RELN: variants seen among roughly 807,000 people sequenced by gnomAD.
The protein encoded by RELN is reelin.
A neutral mutation model predicts 427.6 loss-of-function variants in RELN; 108 were observed. The ratio of observed to expected loss-of-function variants is 0.25; its 90% CI spans 0.22 to 0.30. The LOEUF (loss-of-function observed/expected upper bound fraction) is 0.30, where lower values mean the gene tolerates loss of function less well. Ranked by LOEUF, RELN falls within the 10% of genes least tolerant of loss-of-function variation. The probability of loss-of-function intolerance (pLI) is 1.00; values close to 1 mark genes in which losing one functional copy is unlikely to be tolerated. For missense variants in RELN, 3,715 were observed against 4,302.8 expected (o/e 0.86, Z 3.82); for synonymous variants, 1,524 against 1,513.4 (o/e 1.01, Z -0.16).
At chr7:103,808,684 T>C (rs1792661445) in intron 3 of RELN, among the ~76,000 whole-genome samples, 1 of 151,990 alleles carries the variant, frequency 6.6e-6, no homozygotes, top group African/African-American at 2.4e-5. Context: ...TTTGAAATAC[T>C]ATGGCAGAAC....
At chr7:103,917,517 G>A (rs1795512211) in intron 1 of RELN, among the ~76,000 whole-genome samples, 1 of 150,250 alleles carries the variant, frequency 6.7e-6, no homozygotes, top group Non-Finnish European at 1.5e-5. Flanking sequence ...GGCAGTCAAA[G>A]GCATTGCTGG....
intron 3 of RELN, among the ~76,000 whole-genome samples, chr7:103,831,501 A>C (rs76446589): frequency 6.6e-6 from 1 of 152,194 alleles, no homozygotes; most frequent in African/African-American, 2.4e-5. Context: ...CAATAGAGTT[A>C]TAAGAAAAAT....
Position 103,931,346 on chromosome 7 carries a change from C to G in RELN, c.227-14161G>C, listed in dbSNP as rs111685760. 8.0e-3 allele frequency among the ~76,000 whole-genome samples: 1,224 copies of G among 152,278 alleles called. 17 individuals carry two copies. Among genetic ancestry groups the G allele is most frequent in the African/African-American group, 0.027 (1,133 of 41,556 alleles). ...TTCCTGTTGAAATCCTCCCAACTTA[C>G]CAATGCTTTGTCTAAATGTCAGCTC... On this transcript the variant is annotated intron_variant, in intron 1 of 64. Transcript: ENST00000428762.
At chr7:103,728,332 G>A in intron 6 of RELN, 125 bp from the exon 7 acceptor site, 1 of 893,454 alleles carries the variant, frequency 1.1e-6, no homozygotes. Flanking sequence ...AGGAAAGTAG[G>A]AGTATTTTGC....
Position 103,804,161 on chromosome 7 carries a change from C to A in RELN, c.474-27534G>T, listed in dbSNP as rs189687033. ...TAAATTATTCATATCTTTAATCTTT[C>A]TATCTTGCATTTGTTTATGGAAAAT... On this transcript the variant is annotated intron_variant, in intron 3 of 64. Coordinates refer to ENST00000428762, the MANE Select transcript of RELN (RefSeq NM_005045.4). Among the ~76,000 whole-genome samples the A allele has an allele frequency of 1.6e-3, 241 of 152,144 alleles. 3 individuals are homozygous for A. Among genetic ancestry groups the A allele is most frequent in the Non-Finnish European group, 1.3e-3 (88 of 67,958 alleles).
At chr7:103,610,573 T>A in intron 22 of RELN, 122 bp downstream of exon 22, 1 of 703,886 alleles carries the variant, frequency 1.4e-6, no homozygotes, top group Non-Finnish European at 2.6e-6. Context: ...AGAATAAACA[T>A]CATGCTATTG....
intron 2 of RELN, among the ~76,000 whole-genome samples, chr7:103,848,146 G>C (rs191556716): frequency 6.6e-6 from 1 of 152,112 alleles, no homozygotes; most frequent in Admixed American, 6.5e-5. Context: ...TTAGACAAGG[G>C]TTACCACGCC....
intron 1 of RELN, among the ~76,000 whole-genome samples, chr7:103,976,661 A>G (rs1464954051): frequency 1.3e-5 from 2 of 152,228 alleles, no homozygotes; most frequent in African/African-American, 4.8e-5. Flanking sequence ...TAGCCATCCA[A>G]GTGGAGATAC....
At chr7:103,847,096 T>TATAA (rs1793697273) in intron 2 of RELN, among the ~76,000 whole-genome samples, 1 of 152,116 alleles carries the variant, frequency 6.6e-6, no homozygotes, top group African/African-American at 2.4e-5. Flanking sequence ...TATAAATCAT[T>TATAA]CCACTATAAA....
At position 103,603,165 on chromosome 7, in the gene RELN, AT is replaced by A; in HGVS notation, c.3333+138del. The A allele has an allele frequency of 1.3e-6, 1 of 755,500 alleles. No homozygotes were observed. The allele number at this position is 755,500 out of a possible 1,614,324, so 46.8% of individuals were successfully genotyped here. A position where few individuals can be genotyped will look rare whatever the true frequency, so the allele number is the denominator to read the frequency against. ...GAATTTCCCAAGACATAGCTAAGGA[AT>A]AGGAATTTGATAGAGCCCACTCAAA... On this transcript the variant is annotated intron_variant, in intron 24 of 64. Transcript: ENST00000428762. This position sits in a 1 kb window ranked among gnomAD's most constrained non-coding sequence, Gnocchi z 4.3.
chr7:103,576,943 C>T (rs560768687), intron 28 of RELN, among the ~76,000 whole-genome samples: 1 of 152,202 alleles, frequency 6.6e-6, no homozygotes, highest in South Asian at 2.1e-4. Context: ...TATGGAAACA[C>T]GTGCACACAC....
intron 28 of RELN, 133 bp downstream of exon 28, chr7:103,589,463 T>C: frequency 1.4e-6 from 1 of 699,282 alleles, no homozygotes; most frequent in South Asian, 1.6e-5. Context: ...TATAAATAAA[T>C]GTTTTAAAAA....
At chr7:103,575,513 C>T (rs766557278) in intron 29 of RELN, 35 bp downstream of exon 29, 4 of 1,603,996 alleles carry the variant, frequency 2.5e-6, no homozygotes, top group Admixed American at 1.7e-5. Flanking sequence ...GACTATTTTA[C>T]AATAAAACCC....
At chr7:103,759,990 C>CTTTTTTTATTT in intron 4 of RELN, among the ~76,000 whole-genome samples, 1 of 64,912 alleles carries the variant, frequency 1.5e-5, no homozygotes, top group Non-Finnish European at 2.9e-5. Context: ...CACAGTCATA[C>CTTTTTTTATTT]TTTTTTTTTT....
chr7:103,628,560 T>C (rs1360067484), intron 20 of RELN, among the ~76,000 whole-genome samples: 5 of 152,226 alleles, frequency 3.3e-5, no homozygotes, highest in Admixed American at 2.6e-4. Context: ...GCCTGCTGTG[T>C]GTGAGATCTG....
At chr7:103,846,851 C>T (rs1793690540) in intron 2 of RELN, among the ~76,000 whole-genome samples, 1 of 150,554 alleles carries the variant, frequency 6.6e-6, no homozygotes, top group South Asian at 2.1e-4. Context: ...TACAGAAATG[C>T]AAATCAAAGC....
intron 28 of RELN, among the ~76,000 whole-genome samples, chr7:103,583,367 A>G (rs1037321242): frequency 1.3e-4 from 20 of 152,252 alleles, no homozygotes; most frequent in Admixed American, 5.9e-4. Flanking sequence ...TAGATATCCT[A>G]TTGATGCTGT....
intron 57 of RELN, among the ~76,000 whole-genome samples, chr7:103,494,312 T>A (rs879935598): frequency 6.6e-6 from 1 of 151,764 alleles, no homozygotes; most frequent in Admixed American, 6.6e-5. Context: ...GGTATTAGAA[T>A]AACTGATGTC....
chr7:103,665,337 GGTGTGTGTGTGT>G (rs565319459), intron 11 of RELN, among the ~76,000 whole-genome samples: 2 of 146,522 alleles, frequency 1.4e-5, no homozygotes, highest in East Asian at 2.0e-4. Context: ...TCATACATAT[GGTGTGTGTGTGT>G]GTGTGTGTGT....
Sources: gnomAD v4.1 joint callset for allele counts (sites outside exome capture counted in the v4.1 genomes callset) on GRCh38, gnomAD v4.1.1 for gene constraint, Gnocchi (gnomAD v3.1) non-coding constraint, MANE v1.5 for transcripts, NCBI Gene and HGNC (gene_info 2026-07-23, HGNC 2026-07-21) for gene names.